The following CADM2 variants were observed in gnomAD, a reference collection of about 807,000 sequenced individuals.
CADM2 encodes cell adhesion molecule 2, also known as immunoglobulin superfamily member 4D.
In CADM2, 12 loss-of-function variants were observed where a neutral mutation model predicts 49.8. The ratio of observed to expected loss-of-function variants is 0.24; its 90% CI spans 0.15 to 0.39. The LOEUF (loss-of-function observed/expected upper bound fraction) is 0.39, where lower values mean the gene tolerates loss of function less well. CADM2 is among the 10% of genes least tolerant of loss of function. The pLI is 1.00. For synonymous variants in CADM2, 214 were observed against 175.4 expected, an observed-to-expected ratio of 1.22 and a Z score of -1.74; for missense variants, 378 against 492.3, an observed-to-expected ratio of 0.77 and a Z score of 2.20.
chr3:85,528,234 G>T (rs1427163051), intron 1 of CADM2, among the ~76,000 whole-genome samples: 2 of 152,032 alleles, frequency 1.3e-5, no homozygotes, highest in Non-Finnish European at 2.9e-5. Flanking sequence ...ACATCAGTTT[G>T]CTGCTCTGCT....
intron 1 of CADM2, among the ~76,000 whole-genome samples, chr3:85,555,911 C>T (rs68049270): frequency 0.51 from 77,833 of 151,824 alleles, 23,012 homozygotes; most frequent in East Asian, 0.85. Flanking sequence ...TAACTAAAAC[C>T]TAGAGTGAGT....
At chr3:85,113,752 C>T (rs1444033640) in intron 1 of CADM2, among the ~76,000 whole-genome samples, 2 of 141,376 alleles carry the variant, frequency 1.4e-5, no homozygotes, top group East Asian at 2.1e-4. Context: ...CTGTCTTGTT[C>T]CAGTACATAC....
At chr3:85,544,130 C>T (rs1260917186) in intron 1 of CADM2, among the ~76,000 whole-genome samples, 1 of 152,036 alleles carries the variant, frequency 6.6e-6, no homozygotes, top group Non-Finnish European at 1.5e-5. Context: ...AAGACACAGG[C>T]AAATAATGAC....
chr3:86,013,812 T>C, intron 8 of CADM2: 1 of 1,589,760 alleles, frequency 6.3e-7, no homozygotes. Context: ...TATGAAGCAT[T>C]GTCGTGGTCA....
intron 1 of CADM2, among the ~76,000 whole-genome samples, chr3:85,475,098 T>G (rs1245438376): frequency 1.3e-5 from 2 of 151,938 alleles, no homozygotes; most frequent in Non-Finnish European, 2.9e-5. Context: ...CTTAGGACAA[T>G]TTTTTCCTCC....
chr3:85,736,390 G>A (rs964843545), intron 2 of CADM2, among the ~76,000 whole-genome samples: 1 of 152,168 alleles, frequency 6.6e-6, no homozygotes, highest in African/African-American at 2.4e-5. Flanking sequence ...ATTCACCATA[G>A]TGAAAGAAGG....
chr3:85,766,094 G>A (rs1279555580), intron 2 of CADM2, among the ~76,000 whole-genome samples: 1 of 152,106 alleles, frequency 6.6e-6, no homozygotes, highest in East Asian at 1.9e-4. Flanking sequence ...TGGCCTGATA[G>A]TCTGAATAGA....
At chr3:85,472,983 T>G (rs769561560) in intron 1 of CADM2, among the ~76,000 whole-genome samples, 1 of 152,084 alleles carries the variant, frequency 6.6e-6, no homozygotes, top group Non-Finnish European at 1.5e-5. Context: ...CTTACACAAT[T>G]ATAACAATTA....
chr3:85,056,204 AAC>A (rs2036073489), intron 1 of CADM2, among the ~76,000 whole-genome samples: 2 of 152,034 alleles, frequency 1.3e-5, no homozygotes, highest in African/African-American at 4.8e-5. Flanking sequence ...TAATTTTTTA[AAC>A]AGTGTCATCT....
chr3:85,214,477 A>G (rs1304129121), intron 1 of CADM2, among the ~76,000 whole-genome samples: 1 of 151,854 alleles, frequency 6.6e-6, no homozygotes, highest in African/African-American at 2.4e-5. Context: ...GGACTCTGCT[A>G]TCAGCATGTA....
At chr3:85,853,433 C>T (rs1041186160) in intron 3 of CADM2, among the ~76,000 whole-genome samples, 7 of 151,674 alleles carry the variant, frequency 4.6e-5, no homozygotes, top group South Asian at 2.1e-4. Flanking sequence ...AAATTATAGG[C>T]GATTAAGCAA....
intron 1 of CADM2, among the ~76,000 whole-genome samples, chr3:85,325,507 T>C (rs555492114): frequency 1.3e-5 from 2 of 152,050 alleles, no homozygotes; most frequent in Admixed American, 1.3e-4. Context: ...GTCAAGCGTC[T>C]GAGACCAGGA....
At chr3:85,048,496 G>T (rs557313209) in intron 1 of CADM2, among the ~76,000 whole-genome samples, 6 of 152,236 alleles carry the variant, frequency 3.9e-5, no homozygotes, top group African/African-American at 1.4e-4. Flanking sequence ...AGGCAGCAGA[G>T]ATAAAATATC....
At chr3:85,589,626 C>A (rs1350781621) in intron 1 of CADM2, among the ~76,000 whole-genome samples, 2 of 151,930 alleles carry the variant, frequency 1.3e-5, no homozygotes, top group African/African-American at 4.8e-5. Context: ...GAGACAAGAA[C>A]AAATAAATAT....
intron 1 of CADM2, among the ~76,000 whole-genome samples, chr3:85,254,890 C>T (rs1305043693): frequency 1.3e-5 from 2 of 152,044 alleles, no homozygotes; most frequent in African/African-American, 2.4e-5. Context: ...CAGTGCTTCC[C>T]GTTTGCGGGT....
intron 1 of CADM2, among the ~76,000 whole-genome samples, chr3:85,167,011 C>A (rs896468758): frequency 6.6e-6 from 1 of 151,934 alleles, no homozygotes; most frequent in African/African-American, 2.4e-5. Flanking sequence ...AAGGCATATG[C>A]CTTAGTTCTT....
At chr3:85,466,952 G>T (rs1576607321) in intron 1 of CADM2, among the ~76,000 whole-genome samples, 1 of 152,022 alleles carries the variant, frequency 6.6e-6, no homozygotes, top group East Asian at 1.9e-4. Context: ...GCCTCCTGTA[G>T]CCAAGACTAT....
At position 85,778,740 on chromosome 3, in the gene CADM2, G is replaced by T. The variant is rs193171828; in HGVS notation, c.89-23307G>T. On this transcript the variant is annotated intron_variant, in intron 2 of 9. Transcript: ENST00000383699. ...TCAACTTATCTTTTATGTATATGAGGTCACACACCTCCTCCTGTTACTTTG... is the reference window on the plus strand; with the variant it reads ...TCAACTTATCTTTTATGTATATGAGTTCACACACCTCCTCCTGTTACTTTG... Among the ~76,000 whole-genome samples the T allele has an allele frequency of 9.2e-5, 14 of 152,158 alleles. No individual in the cohort carries two copies. In the East Asian group the frequency reaches 2.1e-3, roughly 23 times the overall value.
chr3:85,733,853 T>G (rs2068028737), intron 2 of CADM2, among the ~76,000 whole-genome samples: 1 of 152,156 alleles, frequency 6.6e-6, no homozygotes, highest in Non-Finnish European at 1.5e-5. Flanking sequence ...TTCATGTCAT[T>G]CTATTATGCT....
Sources: allele counts gnomAD v4.1 joint callset (sites outside exome capture counted in the v4.1 genomes callset), GRCh38; gene constraint gnomAD v4.1.1; transcripts MANE v1.5; gene names NCBI Gene and HGNC (gene_info 2026-07-23, HGNC 2026-07-21).